MRTFB: variants seen among roughly 807,000 people sequenced by gnomAD.
The protein encoded by MRTFB is myocardin-related transcription factor B.
Under a neutral mutation model 104.2 loss-of-function variants are expected in MRTFB, and 29 were observed. That is an observed-to-expected ratio of 0.28 (90% CI 0.21 to 0.38). The LOEUF is 0.38. Among genes scored for constraint, MRTFB ranks in the 10% least tolerant of loss-of-function variants. The pLI is 1.00. For missense variants in MRTFB, 1,270 were observed against 1,341.6 expected (o/e 0.95, Z 0.83); for synonymous variants, 535 against 519.5 (o/e 1.03, Z -0.41).
At chr16:14,033,270 G>A in the MRTFB span, among the ~76,000 whole-genome samples, 4 of 152,022 alleles carry the variant, frequency 2.6e-5, no homozygotes, top group African/African-American at 9.7e-5. Context: ...CATAGGTCGG[G>A]TGCAGAGGCT....
At chr16:14,035,763 T>G in the MRTFB span, among the ~76,000 whole-genome samples, 1 of 152,118 alleles carries the variant, frequency 6.6e-6, no homozygotes. Flanking sequence ...ACAGGCAGTA[T>G]TTGGTTACAT....
At chr16:14,007,223 A>T in the MRTFB span, among the ~76,000 whole-genome samples, 1 of 152,094 alleles carries the variant, frequency 6.6e-6, no homozygotes, top group Non-Finnish European at 1.5e-5. Context: ...CAGTCTCCCC[A>T]TCCTCTCTTG....
chr16:14,029,534 T>C, the MRTFB span, among the ~76,000 whole-genome samples: 20 of 145,710 alleles, frequency 1.4e-4, no homozygotes, highest in Middle Eastern at 7.1e-3. Context: ...CACACACATA[T>C]ATATATATAG....
At chr16:14,029,430 A>G in the MRTFB span, among the ~76,000 whole-genome samples, 14 of 65,018 alleles carry the variant, frequency 2.2e-4, no homozygotes, top group Non-Finnish European at 5.7e-4. Context: ...ATATATATAT[A>G]TATATATATA....
chr16:14,147,473 C>A (rs556660911), intron 3 of MRTFB, among the ~76,000 whole-genome samples: 90 of 152,288 alleles, frequency 5.9e-4, no homozygotes, highest in African/African-American at 1.9e-3. Context: ...TAAATAAGCA[C>A]CTGTAACCCT....
At chr16:14,187,126 T>C in intron 3 of MRTFB, 1 of 1,030,418 alleles carries the variant, frequency 9.7e-7, no homozygotes, top group Non-Finnish European at 1.4e-6. Flanking sequence ...GCTATGTGTC[T>C]GCTCTCTCTG....
At chr16:14,031,436 A>T in the MRTFB span, among the ~76,000 whole-genome samples, 1 of 152,130 alleles carries the variant, frequency 6.6e-6, no homozygotes, top group Admixed American at 6.5e-5. Flanking sequence ...CAAACTTTGA[A>T]AAAACATTTA....
intron 3 of MRTFB, 195 bp downstream of exon 3, chr16:14,140,955 A>T (rs1597041276): frequency 1.8e-6 from 1 of 567,576 alleles, no homozygotes; most frequent in Non-Finnish European, 3.1e-6. Context: ...TTATTTTCCC[A>T]GTAAGTATCT....
chr16:14,171,768 A>C (rs559251064), intron 3 of MRTFB, among the ~76,000 whole-genome samples: 5 of 152,360 alleles, frequency 3.3e-5, no homozygotes, highest in African/African-American at 1.2e-4. Flanking sequence ...CTGTGAAAAT[A>C]AATGTGTTAC....
intron 3 of MRTFB, among the ~76,000 whole-genome samples, chr16:14,153,700 T>TA (rs1301343836): frequency 9.8e-5 from 15 of 152,330 alleles, no homozygotes; most frequent in Middle Eastern, 3.4e-3. Flanking sequence ...GTGGTGTTAT[T>TA]ACACTGAAAC....
intron 12 of MRTFB, 159 bp from the exon 13 acceptor site, chr16:14,248,767 A>T: frequency 1.5e-6 from 1 of 672,368 alleles, no homozygotes; most frequent in Non-Finnish European, 2.4e-6. Flanking sequence ...TAGAATCATT[A>T]AAGTTCAGAT....
At chr16:14,076,764 T>C (rs1036103454) in intron 1 of MRTFB, among the ~76,000 whole-genome samples, 13 of 152,222 alleles carry the variant, frequency 8.5e-5, no homozygotes, top group Non-Finnish European at 1.3e-4. Context: ...GCCTAAGTAA[T>C]GTATGAGACT....
At chr16:14,016,552 C>T in the MRTFB span, among the ~76,000 whole-genome samples, 1 of 152,056 alleles carries the variant, frequency 6.6e-6, no homozygotes, top group African/African-American at 2.4e-5. Flanking sequence ...GTGGGTGGAT[C>T]ACCTGAGGTC....
At chr16:14,054,734 T>C in the MRTFB span, among the ~76,000 whole-genome samples, 1 of 152,200 alleles carries the variant, frequency 6.6e-6, no homozygotes, top group East Asian at 1.9e-4. Flanking sequence ...GAGTCCATCA[T>C]AGTACTTAAT....
At chr16:14,095,056 T>G (rs986711116) in intron 2 of MRTFB, among the ~76,000 whole-genome samples, 23 of 152,212 alleles carry the variant, frequency 1.5e-4, no homozygotes, top group Non-Finnish European at 3.4e-4. Context: ...ATAGTCTTCT[T>G]ATCTTACCAA....
At chr16:14,231,152 A>AG (rs893877788) in intron 8 of MRTFB, among the ~76,000 whole-genome samples, 5 of 140,728 alleles carry the variant, frequency 3.6e-5, no homozygotes, top group Non-Finnish European at 7.7e-5. Flanking sequence ...GGGAGGGGGG[A>AG]GGGATAGCAT....
At chr16:14,095,713 C>A (rs535220174) in intron 2 of MRTFB, among the ~76,000 whole-genome samples, 4 of 152,156 alleles carry the variant, frequency 2.6e-5, no homozygotes, top group Non-Finnish European at 5.9e-5. Context: ...CTTTTGGATA[C>A]TTTTCTTACC....
chr16:14,156,818 C>G (rs184776016), intron 3 of MRTFB, among the ~76,000 whole-genome samples: 1 of 152,208 alleles, frequency 6.6e-6, no homozygotes, highest in East Asian at 1.9e-4. Flanking sequence ...CAACTAAAGA[C>G]TGTATTTTCC....
chr16:14,096,072 A>G (rs974952177), intron 2 of MRTFB, among the ~76,000 whole-genome samples: 1 of 151,318 alleles, frequency 6.6e-6, no homozygotes, highest in Non-Finnish European at 1.5e-5. Flanking sequence ...TTATTTATTT[A>G]TTTATTTATT....
Sources: gnomAD v4.1 joint callset for allele counts (sites outside exome capture counted in the v4.1 genomes callset) on GRCh38, gnomAD v4.1.1 for gene constraint, MANE v1.5 for transcripts, NCBI Gene and HGNC (gene_info 2026-07-23, HGNC 2026-07-21) for gene names.